Variants in ZHX2 observed in about 807,000 individuals in gnomAD.
ZHX2 encodes the protein zinc fingers and homeoboxes 2.
In ZHX2, 6 loss-of-function variants were observed where a neutral mutation model predicts 21.9. The observed-to-expected ratio is 0.27, with a 90% CI of 0.15 to 0.54. The LOEUF is 0.54. ZHX2 is among the 20% of genes least tolerant of loss of function. ZHX2 has a pLI of 0.95. For missense variants in ZHX2, 908 were observed against 1,090.7 expected (o/e 0.83, Z 2.36); for synonymous variants, 434 against 437.1 (o/e 0.99, Z 0.09).
chr8:122,796,363 C>T (rs1215645930), intron 1 of ZHX2, among the ~76,000 whole-genome samples: 1 of 152,112 alleles, frequency 6.6e-6, no homozygotes, highest in Non-Finnish European at 1.5e-5. Flanking sequence ...AGACACTGTC[C>T]TCTTGCAGTT....
intron 1 of ZHX2, among the ~76,000 whole-genome samples, chr8:122,811,093 CT>C (rs1396431057): frequency 6.6e-6 from 1 of 152,170 alleles, no homozygotes; most frequent in Non-Finnish European, 1.5e-5. Flanking sequence ...AAAATATCCA[CT>C]TTGGGCTGAG....
intron 3 of ZHX2, among the ~76,000 whole-genome samples, chr8:122,958,384 A>C (rs1444518345): frequency 6.6e-6 from 1 of 152,260 alleles, no homozygotes; most frequent in Non-Finnish European, 1.5e-5. Flanking sequence ...TTTTTCAGAA[A>C]AATGAGTCAA....
chr8:122,954,014 G>C lies in ZHX2; in HGVS notation c.2504G>C (p.Gly835Ala), dbSNP rs576276134. 6.3e-7 allele frequency: 1 copy of C among 1,598,540 alleles called. No individual in the cohort carries two copies. The highest frequency in any genetic ancestry group is 1.7e-5 in the Admixed American group (1 of 59,178). Reference sequence around the variant, plus strand: ...TCCGACTGCGTCCCTGCAGAGGCTGGCCAGGCCTAGACAGGTAATTCCACC... The same window carrying C: ...TCCGACTGCGTCCCTGCAGAGGCTGCCCAGGCCTAGACAGGTAATTCCACC... The part of the protein sequence containing the change: ...SDSDCVPAEA[G>A]QA Residue 835 changes from glycine to alanine, a missense_variant, in exon 3 of 4, where the codon GGC becomes GCC. Gly to Ala is a moderately conservative substitution (Grantham distance 60). Coordinates refer to ENST00000314393, the MANE Select transcript of ZHX2 (RefSeq NM_014943.5).
At chr8:122,811,127 C>A (rs986018823) in intron 1 of ZHX2, among the ~76,000 whole-genome samples, 2 of 152,120 alleles carry the variant, frequency 1.3e-5, no homozygotes, top group African/African-American at 4.8e-5. Flanking sequence ...TACCTGTAAT[C>A]CCGGCACTTT....
rs1813780041 is a variant in ZHX2 at position 122,973,489 on chromosome 8, G to A, written c.*252G>A. ...TTCAATGGGTCCTTGTACATAGTTT[G>A]CTCCTCTGCCCTAGCCCTCACCTCT... On this transcript the variant is annotated 3_prime_UTR_variant, in exon 4 of 4. Coordinates refer to ENST00000314393, the MANE Select transcript of ZHX2 (RefSeq NM_014943.5). 6.6e-6 allele frequency: 1 copy of A among 152,588 alleles called. No homozygotes were observed. The highest frequency in any genetic ancestry group is 1.5e-5 in the Non-Finnish European group (1 of 68,052). The allele number at this position is 152,588 out of a possible 1,614,324, so 9.5% of individuals were successfully genotyped here.
At chr8:122,943,271 A>T in intron 2 of ZHX2, among the ~76,000 whole-genome samples, 1 of 152,080 alleles carries the variant, frequency 6.6e-6, no homozygotes, top group East Asian at 1.9e-4. Flanking sequence ...CAAAAAAAAA[A>T]TAAAAATAAA....
chr8:122,906,119 A>G (rs997808807), intron 2 of ZHX2, among the ~76,000 whole-genome samples: 1 of 152,234 alleles, frequency 6.6e-6, no homozygotes, highest in African/African-American at 2.4e-5. Flanking sequence ...TATAAACCCC[A>G]AACTATGGAA....
At chr8:122,874,308 GCACT>G (rs1819514305) in intron 2 of ZHX2, among the ~76,000 whole-genome samples, 1 of 152,090 alleles carries the variant, frequency 6.6e-6, no homozygotes, top group Non-Finnish European at 1.5e-5. Flanking sequence ...TATTCATCCA[GCACT>G]CACTCAATAC....
intron 2 of ZHX2, among the ~76,000 whole-genome samples, chr8:122,868,698 CAAAAAAAAAAAAAA>C (rs35306891): frequency 9.9e-6 from 1 of 100,646 alleles, no homozygotes; most frequent in African/African-American, 4.1e-5. Flanking sequence ...AAGACTCCGT[CAAAAAAAAAAAAAA>C]AAAAAAAAAT....
chr8:122,831,316 G>A (rs1818370307), intron 1 of ZHX2, among the ~76,000 whole-genome samples: 1 of 152,190 alleles, frequency 6.6e-6, no homozygotes, highest in Non-Finnish European at 1.5e-5. Context: ...ATGACACTGA[G>A]TGGCAGATAG....
At chr8:122,957,466 G>T (rs1813336436) in intron 3 of ZHX2, among the ~76,000 whole-genome samples, 1 of 151,682 alleles carries the variant, frequency 6.6e-6, no homozygotes, top group African/African-American at 2.4e-5. Context: ...CCATTGTTTT[G>T]TTTTGTTTTG....
chr8:122,922,936 G>C (rs1254707301), intron 2 of ZHX2, among the ~76,000 whole-genome samples: 2 of 152,088 alleles, frequency 1.3e-5, no homozygotes, highest in Non-Finnish European at 2.9e-5. Context: ...TGGGCTGCTG[G>C]GGACTGCAAA....
intron 1 of ZHX2, among the ~76,000 whole-genome samples, chr8:122,854,121 C>T (rs934746267): frequency 6.6e-6 from 1 of 152,146 alleles, no homozygotes; most frequent in African/African-American, 2.4e-5. Flanking sequence ...GCTAGGTGGC[C>T]CTTGGTCTCC....
chr8:122,803,601 T>G (rs891629749), intron 1 of ZHX2, among the ~76,000 whole-genome samples: 1 of 152,202 alleles, frequency 6.6e-6, no homozygotes, highest in Admixed American at 6.5e-5. Flanking sequence ...GTCTCCAGAT[T>G]TTGTCAAATG....
intron 2 of ZHX2, among the ~76,000 whole-genome samples, chr8:122,919,090 C>T (rs1240235800): frequency 6.6e-6 from 1 of 152,194 alleles, no homozygotes; most frequent in Non-Finnish European, 1.5e-5. Context: ...CTTTGAGGCT[C>T]AGCGGTAGTC....
intron 1 of ZHX2, among the ~76,000 whole-genome samples, chr8:122,856,117 G>A (rs1411195188): frequency 6.6e-6 from 1 of 152,182 alleles, no homozygotes; most frequent in Non-Finnish European, 1.5e-5. Flanking sequence ...TCCATTTTAT[G>A]GATGACAAAA....
At chr8:122,859,040 C>T (rs577243069) in intron 1 of ZHX2, among the ~76,000 whole-genome samples, 1 of 152,212 alleles carries the variant, frequency 6.6e-6, no homozygotes, top group East Asian at 1.9e-4. Flanking sequence ...CCTCCACAAC[C>T]CAAGGAGGCA....
chr8:122,964,341 T>G (rs903000470), intron 3 of ZHX2, among the ~76,000 whole-genome samples: 3 of 152,156 alleles, frequency 2.0e-5, no homozygotes, highest in African/African-American at 4.8e-5. Context: ...TTGCTGAGGG[T>G]TTTAATCATA....
intron 1 of ZHX2, among the ~76,000 whole-genome samples, chr8:122,827,564 G>A (rs1818288630): frequency 6.6e-6 from 1 of 152,090 alleles, no homozygotes; most frequent in African/African-American, 2.4e-5. Flanking sequence ...AAAAAATTAA[G>A]TAACAGACCC....
Sources: allele counts gnomAD v4.1 joint callset (sites outside exome capture counted in the v4.1 genomes callset), GRCh38; gene constraint gnomAD v4.1.1; transcripts MANE v1.5; gene names NCBI Gene and HGNC (gene_info 2026-07-23, HGNC 2026-07-21).